The following SHANK2 variants were observed in gnomAD, a reference collection of about 807,000 sequenced individuals.
The protein encoded by SHANK2 is SH3 and multiple ankyrin repeat domains 2.
SHANK2 carries 43 observed loss-of-function variants against 133.7 expected under a neutral mutation model. The observed-to-expected ratio is 0.32, with a 90% CI of 0.25 to 0.41. SHANK2 has a LOEUF of 0.41. Among genes scored for constraint, SHANK2 ranks in the 10% least tolerant of loss-of-function variants. SHANK2 has a pLI of 1.00. For synonymous variants in SHANK2, 1,017 were observed against 952.8 expected (o/e 1.07, Z -1.24); for missense variants, 1,994 against 2,235.8 (o/e 0.89, Z 2.18).
intron 2 of SHANK2, among the ~76,000 whole-genome samples, chr11:71,169,443 T>C (rs982176435): frequency 2.0e-5 from 3 of 152,200 alleles, no homozygotes; most frequent in Non-Finnish European, 2.9e-5. Flanking sequence ...TGTACATAAG[T>C]CTACACAGAA....
chr11:70,810,412 C>A (rs1274186469), intron 12 of SHANK2, among the ~76,000 whole-genome samples: 1 of 152,222 alleles, frequency 6.6e-6, no homozygotes, highest in Non-Finnish European at 1.5e-5. Context: ...CGTCTCACGG[C>A]TGTCTCCTCT....
intron 10 of SHANK2, among the ~76,000 whole-genome samples, chr11:70,938,811 G>C (rs1385752251): frequency 6.6e-6 from 1 of 152,138 alleles, no homozygotes; most frequent in Non-Finnish European, 1.5e-5. Flanking sequence ...CACACACCTA[G>C]AGCATGGAAT....
At chr11:71,126,000 A>T (rs1473841503) in intron 3 of SHANK2, among the ~76,000 whole-genome samples, 3 of 152,116 alleles carry the variant, frequency 2.0e-5, no homozygotes, top group African/African-American at 7.2e-5. Flanking sequence ...TGGGCGGATC[A>T]TGAGGTCAAG....
At chr11:71,145,256 C>T (rs542759078) in intron 3 of SHANK2, among the ~76,000 whole-genome samples, 11 of 152,190 alleles carry the variant, frequency 7.2e-5, no homozygotes, top group South Asian at 2.1e-4. Flanking sequence ...AACCGTCTTG[C>T]GCTACACATA....
intron 6 of SHANK2, among the ~76,000 whole-genome samples, chr11:71,100,640 G>A (rs782413792): frequency 9.2e-5 from 14 of 152,140 alleles, no homozygotes; most frequent in South Asian, 2.1e-4. Flanking sequence ...ACGCCAAGGC[G>A]GGCAGATCAT....
rs529470718 is a variant in SHANK2, at chr11:70,782,336, C to T, written c.1777+16107G>A. ...CCTCCCAAAGTGCTGGGATTACAGG[C>T]GTGAGCCACCGCGCCCAGCCTTAAA... On this transcript the variant is annotated intron_variant, in intron 14 of 25. Coordinates refer to ENST00000601538, the MANE Select transcript of SHANK2 (RefSeq NM_012309.5). Among the ~76,000 whole-genome samples, 9 of 152,352 alleles carry T rather than the reference C, an allele frequency of 5.9e-5. No individual in the cohort carries two copies. The East Asian group carries it at 1.2e-3, about 20-fold the overall frequency.
intron 3 of SHANK2, among the ~76,000 whole-genome samples, chr11:71,120,102 CA>C (rs1952055847): frequency 6.6e-6 from 1 of 152,148 alleles, no homozygotes; most frequent in African/African-American, 2.4e-5. Flanking sequence ...TAAATAGTGT[CA>C]ACAGGGCCTG....
At chr11:71,250,298 T>C (rs1948157669) in intron 1 of SHANK2, among the ~76,000 whole-genome samples, 2 of 152,184 alleles carry the variant, frequency 1.3e-5, no homozygotes, top group South Asian at 4.1e-4. Context: ...AATTCTTCCT[T>C]CCAGGAAAAC....
intron 10 of SHANK2, among the ~76,000 whole-genome samples, chr11:70,923,215 C>T (rs1950375455): frequency 6.6e-6 from 1 of 152,084 alleles, no homozygotes; most frequent in African/African-American, 2.4e-5. Context: ...ATATGACTGC[C>T]CTGATCCTCA....
Position 70,712,729 on chromosome 11 carries a change from C to T in SHANK2, c.1778-13966G>A, listed in dbSNP as rs567435759. On this transcript the variant is annotated intron_variant, in intron 14 of 25. Transcript: ENST00000601538. The stretch of plus-strand genomic sequence containing the variant: ...GCCGCCAGCACGATGGTTCCTCGCT[C>T]GGCTAAAAGCGCCCAGCTCTGCACC... Among the ~76,000 whole-genome samples the T allele has an allele frequency of 4.6e-5, 7 of 152,342 alleles. No homozygotes were observed. In the South Asian group the frequency reaches 8.3e-4, roughly 18 times the overall value.
At position 70,944,460 on chromosome 11, in the gene SHANK2, C is replaced by T. The variant is rs540039839; in HGVS notation, c.1108-47893G>A. On this transcript the variant is annotated intron_variant, in intron 10 of 25. Transcript: ENST00000601538. Reference sequence around the variant, plus strand: ...GAAAGCAGCATAGGAGGGGCCGATTCGAGAACACGTGCATCTGAAACACCT... The same window carrying T: ...GAAAGCAGCATAGGAGGGGCCGATTTGAGAACACGTGCATCTGAAACACCT... Among the ~76,000 whole-genome samples the T allele has an allele frequency of 5.3e-5, 8 of 152,324 alleles. No homozygotes were observed. In the South Asian group the frequency reaches 1.0e-3, roughly 20 times the overall value.
At chr11:70,891,063 C>A (rs1474431740) in intron 11 of SHANK2, among the ~76,000 whole-genome samples, 2 of 152,158 alleles carry the variant, frequency 1.3e-5, no homozygotes, top group Non-Finnish European at 2.9e-5. Context: ...ATTTCAGGTA[C>A]CTGACATGTG....
chr11:70,605,080 C>T (rs1260866012), intron 17 of SHANK2, among the ~76,000 whole-genome samples: 3 of 152,336 alleles, frequency 2.0e-5, no homozygotes, highest in South Asian at 2.1e-4. Context: ...AGCAGCCCTC[C>T]GAGGATGGGA....
At chr11:70,598,261 G>A in intron 17 of SHANK2, among the ~76,000 whole-genome samples, 1 of 147,360 alleles carries the variant, frequency 6.8e-6, no homozygotes, top group Non-Finnish European at 1.5e-5. Flanking sequence ...TGGAGAGAAG[G>A]GTATTGGAAG....
intron 1 of SHANK2, among the ~76,000 whole-genome samples, chr11:71,243,612 G>A (rs1020523787): frequency 2.0e-5 from 3 of 152,132 alleles, no homozygotes; most frequent in Non-Finnish European, 4.4e-5. Context: ...AGAGAATGGT[G>A]TAAGCCCGGG....
chr11:70,658,561 G>C (rs1297185688), intron 17 of SHANK2, among the ~76,000 whole-genome samples: 1 of 152,160 alleles, frequency 6.6e-6, no homozygotes, highest in Admixed American at 6.5e-5. Context: ...AAATCAAAGA[G>C]ATCAACATGA....
chr11:70,783,923 CT>C (rs1340909963), intron 14 of SHANK2, among the ~76,000 whole-genome samples: 1 of 152,166 alleles, frequency 6.6e-6, no homozygotes, highest in Non-Finnish European at 1.5e-5. Context: ...GCAAGGTCAT[CT>C]CCCAGATGCC....
At chr11:70,494,889 G>A (rs546081020) in intron 21 of SHANK2, among the ~76,000 whole-genome samples, 15 of 152,272 alleles carry the variant, frequency 9.9e-5, no homozygotes, top group African/African-American at 3.4e-4. Flanking sequence ...CCAATTCTGC[G>A]TCCCTGCTCA....
At chr11:70,896,371 C>T (rs1314022247) in intron 11 of SHANK2, 130 bp downstream of exon 11, 3 of 598,102 alleles carry the variant, frequency 5.0e-6, no homozygotes, top group East Asian at 2.8e-5. Context: ...TGGGCTAATA[C>T]TATGTTAAGT....
Sources: gnomAD v4.1 joint callset for allele counts (sites outside exome capture counted in the v4.1 genomes callset) on GRCh38, gnomAD v4.1.1 for gene constraint, MANE v1.5 for transcripts, NCBI Gene and HGNC (gene_info 2026-07-23, HGNC 2026-07-21) for gene names.